Variants in SORCS1 observed in about 807,000 individuals in gnomAD.
The protein encoded by SORCS1 is sortilin related VPS10 domain containing receptor 1, also known as VPS10 domain-containing receptor SorCS1.
A neutral mutation model predicts 146.1 loss-of-function variants in SORCS1; 60 were observed. The observed-to-expected ratio is 0.41, with a 90% CI of 0.33 to 0.51. The LOEUF is 0.51. SORCS1 is among the 20% of genes least tolerant of loss of function. The probability of loss-of-function intolerance (pLI) is 0.21; values close to 1 mark genes in which losing one functional copy is unlikely to be tolerated. For synonymous variants in SORCS1, 637 were observed against 584.0 expected (o/e 1.09, Z -1.31); for missense variants, 1,352 against 1,487.6 (o/e 0.91, Z 1.50).
chr10:106,734,075 G>C (rs1349446492), intron 5 of SORCS1, among the ~76,000 whole-genome samples: 2 of 151,952 alleles, frequency 1.3e-5, no homozygotes, highest in Non-Finnish European at 2.9e-5. Flanking sequence ...TTCTTTCTGG[G>C]ACTCAGAACC....
intron 2 of SORCS1, among the ~76,000 whole-genome samples, chr10:106,852,125 A>G (rs900941055): frequency 2.0e-5 from 3 of 152,166 alleles, no homozygotes; most frequent in Non-Finnish European, 4.4e-5. Flanking sequence ...CTGTCTCTGC[A>G]ACAAAGATAG....
intron 1 of SORCS1, among the ~76,000 whole-genome samples, chr10:107,160,409 T>A (rs1346157708): frequency 2.0e-5 from 3 of 152,192 alleles, no homozygotes; most frequent in East Asian, 1.9e-4. Flanking sequence ...CACCTACACA[T>A]GACATTTCTG....
intron 24 of SORCS1, among the ~76,000 whole-genome samples, chr10:106,583,730 G>A (rs780566016): frequency 1.3e-5 from 2 of 151,662 alleles, no homozygotes; most frequent in Non-Finnish European, 2.9e-5. Flanking sequence ...GGCTGGTCTC[G>A]AACGCTAACC....
At chr10:106,736,602 T>TTAAAAAAAAAAAAAAA (rs1433395056) in intron 5 of SORCS1, among the ~76,000 whole-genome samples, 6 of 38,772 alleles carry the variant, frequency 1.5e-4, no homozygotes, top group African/African-American at 4.2e-4. Context: ...TAACCCTGGT[T>TTAAAAAAAAAAAAAAA]AAAAAAAAAA....
chr10:107,005,965 A>G (rs1287969875), intron 1 of SORCS1, among the ~76,000 whole-genome samples: 3 of 152,120 alleles, frequency 2.0e-5, no homozygotes, highest in African/African-American at 7.2e-5. Context: ...ATTTTGTGGT[A>G]ATTTGTTGAG....
chr10:106,742,355 T>C (rs759693276), intron 5 of SORCS1, among the ~76,000 whole-genome samples: 5 of 151,892 alleles, frequency 3.3e-5, no homozygotes, highest in Non-Finnish European at 5.9e-5. Context: ...TTATAACACC[T>C]TGTACATATA....
chr10:106,706,860 A>C (rs1854570364), intron 7 of SORCS1, among the ~76,000 whole-genome samples: 1 of 152,226 alleles, frequency 6.6e-6, no homozygotes, highest in African/African-American at 2.4e-5. Flanking sequence ...TACAATTCTT[A>C]AGTTTGCACT....
At chr10:106,681,609 G>A (rs1473300697) in intron 10 of SORCS1, among the ~76,000 whole-genome samples, 1 of 152,140 alleles carries the variant, frequency 6.6e-6, no homozygotes, top group East Asian at 1.9e-4. Flanking sequence ...AATGTTGTGA[G>A]CATCTGTATG....
intron 19 of SORCS1, among the ~76,000 whole-genome samples, chr10:106,625,581 T>C (rs983784976): frequency 6.6e-6 from 1 of 152,184 alleles, no homozygotes; most frequent in Admixed American, 6.5e-5. Flanking sequence ...TACAAAATTC[T>C]AGTCTGACGT....
At position 106,642,449 on chromosome 10, in the gene SORCS1, G is replaced by A. The variant is rs575895530; in HGVS notation, c.2475+9933C>T. Among the ~76,000 whole-genome samples, 242 of 152,196 alleles carry A rather than the reference G, an allele frequency of 1.6e-3. 4 individuals are homozygous for A. The highest frequency in any genetic ancestry group is 5.7e-3 in the African/African-American group (235 of 41,526). On this transcript the variant is annotated intron_variant, in intron 18 of 25. Transcript: ENST00000263054. ...ATCAGAAGATCCCTGTTTTTATAAA[G>A]AATTGATATCAGAAATGGGGCAAGA...
intron 1 of SORCS1, among the ~76,000 whole-genome samples, chr10:107,033,258 A>G (rs1027931916): frequency 2.0e-5 from 3 of 152,208 alleles, no homozygotes; most frequent in Admixed American, 2.0e-4. Context: ...CGAGAACAGC[A>G]AAGGGGAACC....
intron 1 of SORCS1, among the ~76,000 whole-genome samples, chr10:107,077,231 A>G (rs1291637446): frequency 6.6e-6 from 1 of 152,060 alleles, no homozygotes; most frequent in Non-Finnish European, 1.5e-5. Context: ...CTAGTTTTGA[A>G]AATAATTATT....
intron 2 of SORCS1, among the ~76,000 whole-genome samples, chr10:106,949,672 C>A (rs1954572348): frequency 6.6e-6 from 1 of 152,316 alleles, no homozygotes; most frequent in African/African-American, 2.4e-5. Flanking sequence ...CCTTAAATTG[C>A]ACTTGCTTTG....
chr10:106,917,878 C>T (rs1460680516), intron 2 of SORCS1, among the ~76,000 whole-genome samples: 2 of 152,158 alleles, frequency 1.3e-5, no homozygotes, highest in Non-Finnish European at 2.9e-5. Context: ...GAGTGGTGCT[C>T]GCTTCAAGTG....
intron 24 of SORCS1, among the ~76,000 whole-genome samples, chr10:106,595,276 G>C (rs1414725574): frequency 6.6e-6 from 1 of 152,148 alleles, no homozygotes; most frequent in Non-Finnish European, 1.5e-5. Flanking sequence ...ACATTGCTTG[G>C]CCCAGCGTAG....
intron 4 of SORCS1, among the ~76,000 whole-genome samples, chr10:106,762,009 G>A (rs983707544): frequency 3.9e-5 from 6 of 152,188 alleles, no homozygotes; most frequent in Non-Finnish European, 8.8e-5. Context: ...GAGCATTGTG[G>A]GTGATGCAAA....
rs754277933 is a variant in SORCS1, at chr10:106,618,233, T to C, written c.2836A>G (p.Thr946Ala). ...TLEGSISFRFTSEGMNTITVQ... is the reference protein window; with the variant it reads ...TLEGSISFRFASEGMNTITVQ... ...GTGATGGTATTCATTCCTTCTGAAG[T>C]AAATCTGAAGGATATGCTTCCCTCC... is the stretch of plus-strand genomic sequence containing the variant. The change falls in exon 21 of 26, where the codon ACT (threonine) becomes GCT (alanine). Residue 946 changes from threonine to alanine, a missense_variant. Thr to Ala is a moderately conservative substitution (Grantham distance 58). Around this residue, in one of 3 missense-constraint regions of SORCS1, gnomAD observed 648 missense variants for 793.8 expected, o/e 0.82. Transcript: ENST00000263054. 4 of 1,614,074 alleles carry C rather than the reference T, an allele frequency of 2.5e-6. No homozygotes were observed. The highest frequency in any genetic ancestry group is 2.5e-6 in the Non-Finnish European group (3 of 1,179,966).
At chr10:106,730,239 T>C (rs1856497647) in intron 5 of SORCS1, 125 bp from the exon 6 acceptor site, 11 of 762,740 alleles carry the variant, frequency 1.4e-5, no homozygotes, top group South Asian at 1.1e-4. Context: ...ATCCTTAGAA[T>C]ATATCTACTC....
intron 2 of SORCS1, among the ~76,000 whole-genome samples, chr10:106,844,573 TTTAA>T (rs1235124079): frequency 2.0e-5 from 3 of 151,920 alleles, no homozygotes; most frequent in African/African-American, 7.2e-5. Flanking sequence ...TCTTTTTTTT[TTTAA>T]TTATTATTTT....
Sources: gnomAD v4.1 joint callset for allele counts (sites outside exome capture counted in the v4.1 genomes callset) on GRCh38, gnomAD v4.1.1 for gene constraint, gnomAD v4.1.1 regional missense constraint, MANE v1.5 for transcripts, NCBI Gene and HGNC (gene_info 2026-07-23, HGNC 2026-07-21) for gene names.